Variants in CNKSR2 observed in about 807,000 individuals in gnomAD.
CNKSR2 encodes connector enhancer of kinase suppressor of Ras 2.
A neutral mutation model predicts 84.4 loss-of-function variants in CNKSR2; 14 were observed. The observed-to-expected ratio is 0.17, with a 90% CI of 0.11 to 0.26. The LOEUF (loss-of-function observed/expected upper bound fraction) is 0.26. Ranked by LOEUF, CNKSR2 falls within the 10% of genes least tolerant of loss-of-function variation. CNKSR2 has a pLI of 1.00. For missense variants in CNKSR2, 485 were observed against 771.2 expected (o/e 0.63, Z 4.40); for synonymous variants, 275 against 277.9 (o/e 0.99, Z 0.10).
chrX:21,496,185 T>A (rs1324169789), intron 6 of CNKSR2, among the ~76,000 whole-genome samples: 3 of 111,981 alleles, frequency 2.7e-5, no homozygotes, highest in African/African-American at 9.7e-5. Context: ...AACCAGGACG[T>A]CATTATGCAT....
chrX:21,598,155 T>C (rs2092460669), intron 17 of CNKSR2, among the ~76,000 whole-genome samples: 2 of 110,925 alleles, frequency 1.8e-5, no homozygotes. Context: ...AAAACACTTT[T>C]AGGCACCCCA....
intron 11 of CNKSR2, among the ~76,000 whole-genome samples, chrX:21,558,261 C>T (rs2092156656): frequency 9.0e-6 from 1 of 111,078 alleles, no homozygotes. Flanking sequence ...AAGAATGTTA[C>T]CTTATGTTAT....
intron 3 of CNKSR2, among the ~76,000 whole-genome samples, chrX:21,434,923 G>A (rs199822263): frequency 9.4e-6 from 1 of 106,490 alleles, no homozygotes; most frequent in East Asian, 2.9e-4. Context: ...TTTTACATAT[G>A]AAATGTGAAA....
chrX:21,573,013 A>C (rs750288732), intron 13 of CNKSR2, among the ~76,000 whole-genome samples: 49 of 112,317 alleles, frequency 4.4e-4, no homozygotes, highest in Non-Finnish European at 8.4e-4. Flanking sequence ...CTGCCTAGAT[A>C]AAATGGGGGC....
Position 21,506,451 on chromosome X carries a change from A to G in CNKSR2, c.810+4863A>G, listed in dbSNP as rs936473473. 7 of 111,641 alleles carry G rather than the reference A, an allele frequency of 6.3e-5. No individual in the cohort carries two copies. The South Asian group carries it at 1.1e-3, about 18-fold the overall frequency. 9.2% of individuals were successfully genotyped at this position (111,641 alleles called of 1,213,427 possible). A position where few individuals can be genotyped will look rare whatever the true frequency, so the allele number is the denominator to read the frequency against. Reference sequence around the variant, plus strand: ...GTTTTTCTTTTATTTCACATTGAACATTATGGATTTGATGAGAATGTGTGG... The same window carrying G: ...GTTTTTCTTTTATTTCACATTGAACGTTATGGATTTGATGAGAATGTGTGG... On this transcript the variant is annotated intron_variant, in intron 8 of 21. Transcript: ENST00000379510.
At chrX:21,651,938 T>TA (rs1422498042) in intron 21 of CNKSR2, among the ~76,000 whole-genome samples, 1 of 112,349 alleles carries the variant, frequency 8.9e-6, no homozygotes, top group East Asian at 2.8e-4. Flanking sequence ...ATGACAAATG[T>TA]ACTCAGTGGC....
At chrX:21,470,505 T>C (rs946025195) in intron 4 of CNKSR2, among the ~76,000 whole-genome samples, 1 of 111,068 alleles carries the variant, frequency 9.0e-6, no homozygotes, top group Non-Finnish European at 1.9e-5. Context: ...GTCTACTTAA[T>C]GTATATTGTC....
At chrX:21,471,409 G>C (rs1323877854) in intron 5 of CNKSR2, among the ~76,000 whole-genome samples, 2 of 111,860 alleles carry the variant, frequency 1.8e-5, no homozygotes, top group African/African-American at 6.5e-5. Context: ...ATCAATGCTA[G>C]TTTGTCCTAA....
intron 1 of CNKSR2, among the ~76,000 whole-genome samples, chrX:21,379,934 A>G (rs1279934672): frequency 9.0e-6 from 1 of 111,619 alleles, no homozygotes; most frequent in African/African-American, 3.3e-5. Context: ...GCATAATCTA[A>G]GAGGGATGTA....
rs780489901 is a variant in CNKSR2, at chrX:21,601,420, T to C, written c.2044+71T>C. ...TGCAGTTATCCTATACAGAAATTCA[T>C]TGCTATCACTTGAGAGAAAATACAT... On this transcript the variant is annotated intron_variant, in intron 18 of 21. Coordinates refer to ENST00000379510, the MANE Select transcript of CNKSR2 (RefSeq NM_014927.5). 254 of 627,908 alleles carry C rather than the reference T, an allele frequency of 4.0e-4. 1 individual carries two copies. The highest frequency in any genetic ancestry group is 5.6e-4 in the Non-Finnish European group (233 of 412,842). 51.7% of individuals were successfully genotyped at this position (627,908 alleles called of 1,213,427 possible). A position where few individuals can be genotyped will look rare whatever the true frequency, so the allele number is the denominator to read the frequency against.
intron 8 of CNKSR2, among the ~76,000 whole-genome samples, chrX:21,508,676 G>C (rs1413305779): frequency 2.7e-5 from 3 of 111,928 alleles, no homozygotes. Context: ...AGAAGGAAAA[G>C]TGAGCTGTAT....
intron 4 of CNKSR2, 71 bp downstream of exon 4, chrX:21,440,852 A>G (rs931980922): frequency 3.6e-5 from 22 of 616,885 alleles, no homozygotes; most frequent in Admixed American, 6.1e-5. Context: ...GAAGTATCCT[A>G]TGTACCAAGA....
intron 19 of CNKSR2, 92 bp from the exon 20 acceptor site, chrX:21,608,979 T>G: frequency 9.0e-7 from 1 of 1,112,950 alleles, no homozygotes; most frequent in Non-Finnish European, 1.2e-6. Context: ...GTTCATCTAC[T>G]TAAATATTAC....
intron 20 of CNKSR2, among the ~76,000 whole-genome samples, chrX:21,612,652 T>C (rs1356072382): frequency 8.9e-6 from 1 of 112,256 alleles, no homozygotes; most frequent in South Asian, 3.7e-4. Context: ...CAAACCTCTT[T>C]CTTATCATTT....
intron 20 of CNKSR2, among the ~76,000 whole-genome samples, chrX:21,631,553 C>T (rs761460167): frequency 8.1e-5 from 9 of 111,634 alleles, no homozygotes; most frequent in Non-Finnish European, 1.3e-4. Context: ...ACTGATTTTA[C>T]CAATTCCTAC....
At chrX:21,581,431 C>A (rs1214021746) in intron 13 of CNKSR2, among the ~76,000 whole-genome samples, 1 of 111,771 alleles carries the variant, frequency 8.9e-6, no homozygotes, top group Non-Finnish European at 1.9e-5. Context: ...ATGTGTGTTC[C>A]TTTCTTGCTG....
chrX:21,389,770 C>T (rs964988193), intron 1 of CNKSR2, among the ~76,000 whole-genome samples: 1 of 112,341 alleles, frequency 8.9e-6, no homozygotes, highest in African/African-American at 3.2e-5. Context: ...GGCCTTACCA[C>T]TTTTCTTTTT....
intron 13 of CNKSR2, among the ~76,000 whole-genome samples, chrX:21,564,963 G>A (rs749958691): frequency 9.0e-6 from 1 of 111,393 alleles, no homozygotes; most frequent in African/African-American, 3.3e-5. Flanking sequence ...TCGTTTGAAA[G>A]GGGACCACTT....
chrX:21,527,230 T>C (rs750666393), intron 10 of CNKSR2, among the ~76,000 whole-genome samples: 119 of 109,328 alleles, frequency 1.1e-3, no homozygotes, highest in African/African-American at 4.0e-3. Context: ...TTATACTATC[T>C]CATAATAGGA....
Sources: gnomAD v4.1 joint callset for allele counts (sites outside exome capture counted in the v4.1 genomes callset) on GRCh38, gnomAD v4.1.1 for gene constraint, MANE v1.5 for transcripts, NCBI Gene and HGNC (gene_info 2026-07-23, HGNC 2026-07-21) for gene names.